The following ZNF385D variants were observed in gnomAD, a reference collection of about 807,000 sequenced individuals.
The protein encoded by ZNF385D is zinc finger protein 659.
In ZNF385D, 15 loss-of-function variants were observed where a neutral mutation model predicts 35.8. That is an observed-to-expected ratio of 0.42 (90% CI 0.28 to 0.64). The LOEUF is 0.64. ZNF385D is among the 30% of genes least tolerant of loss of function. ZNF385D has a pLI of 0.23. For synonymous variants in ZNF385D, 212 were observed against 186.8 expected (o/e 1.13, Z -1.10); for missense variants, 474 against 494.6 (o/e 0.96, Z 0.39).
chr3:22,090,728 G>A (rs1005137328), intron 3 of ZNF385D, among the ~76,000 whole-genome samples: 7 of 152,152 alleles, frequency 4.6e-5, no homozygotes, highest in Non-Finnish European at 8.8e-5. Flanking sequence ...ATACTTGGAA[G>A]GGGGACATAC....
intron 3 of ZNF385D, among the ~76,000 whole-genome samples, chr3:21,839,878 A>T (rs1695557676): frequency 6.6e-6 from 1 of 151,954 alleles, no homozygotes; most frequent in Admixed American, 6.6e-5. Flanking sequence ...GGGGTCAGAA[A>T]TTGCCTCCCA....
chr3:21,720,823 G>C (rs1036657456), intron 1 of ZNF385D, among the ~76,000 whole-genome samples: 1 of 152,140 alleles, frequency 6.6e-6, no homozygotes, highest in Non-Finnish European at 1.5e-5. Flanking sequence ...TTCTATTGTA[G>C]GGTAGTAGTG....
At chr3:21,547,771 C>T (rs562593729) in intron 3 of ZNF385D, among the ~76,000 whole-genome samples, 9 of 152,160 alleles carry the variant, frequency 5.9e-5, no homozygotes, top group Non-Finnish European at 1.5e-5. Context: ...CACCCGCCAC[C>T]ATGCCCGGCT....
chr3:22,114,446 T>C (rs1186967005), intron 3 of ZNF385D, among the ~76,000 whole-genome samples: 2 of 152,092 alleles, frequency 1.3e-5, no homozygotes, highest in South Asian at 2.1e-4. Context: ...TTACATTGTG[T>C]TTTCCCAGAA....
chr3:22,369,099 A>C (rs1170272784), intron 2 of ZNF385D, among the ~76,000 whole-genome samples: 1 of 152,156 alleles, frequency 6.6e-6, no homozygotes, highest in Non-Finnish European at 1.5e-5. Context: ...AAAACTAAGA[A>C]GTACCATCTA....
intron 1 of ZNF385D, among the ~76,000 whole-genome samples, chr3:21,720,318 C>G (rs1247543439): frequency 6.6e-6 from 1 of 152,170 alleles, no homozygotes; most frequent in Non-Finnish European, 1.5e-5. Flanking sequence ...CTTTGGGAGG[C>G]TGAGGCAGGA....
chr3:21,622,196 A>G (rs1195841772), intron 2 of ZNF385D, among the ~76,000 whole-genome samples: 2 of 152,138 alleles, frequency 1.3e-5, no homozygotes, highest in Admixed American at 1.3e-4. Context: ...TAATAGGAAA[A>G]AAGTGATTAA....
intron 3 of ZNF385D, among the ~76,000 whole-genome samples, chr3:21,995,138 C>T (rs752826152): frequency 2.0e-5 from 3 of 152,218 alleles, no homozygotes; most frequent in Non-Finnish European, 4.4e-5. Flanking sequence ...ATAAGCCAAC[C>T]TTCAGGCCCC....
chr3:21,798,123 G>C (rs1439879986), intron 3 of ZNF385D, among the ~76,000 whole-genome samples: 1 of 152,186 alleles, frequency 6.6e-6, no homozygotes, highest in Non-Finnish European at 1.5e-5. Flanking sequence ...CTATGCGTTA[G>C]TTGGGGTATA....
intron 2 of ZNF385D, among the ~76,000 whole-genome samples, chr3:21,621,874 T>TGG (rs2065017474): frequency 1.3e-5 from 2 of 151,698 alleles, no homozygotes; most frequent in South Asian, 4.2e-4. Flanking sequence ...ACTGTGTGTG[T>TGG]GTGTGTGTGT....
chr3:22,064,183 T>C (rs1312041908), intron 3 of ZNF385D, among the ~76,000 whole-genome samples: 6 of 152,202 alleles, frequency 3.9e-5, no homozygotes, highest in Admixed American at 3.3e-4. Context: ...TCTTTCATGG[T>C]GATTAGCTCA....
intron 3 of ZNF385D, among the ~76,000 whole-genome samples, chr3:21,827,702 G>A (rs902776202): frequency 2.6e-5 from 4 of 152,160 alleles, no homozygotes; most frequent in African/African-American, 9.7e-5. Context: ...TTGGAACGTG[G>A]AAGGAAAAGG....
chr3:21,857,573 G>A (rs924861162), intron 3 of ZNF385D, among the ~76,000 whole-genome samples: 3 of 151,896 alleles, frequency 2.0e-5, no homozygotes, highest in East Asian at 3.9e-4. Flanking sequence ...GAAGTCGTGG[G>A]ACTAAAGAAG....
intron 2 of ZNF385D, among the ~76,000 whole-genome samples, chr3:21,615,750 A>G (rs905756635): frequency 6.6e-6 from 1 of 150,606 alleles, no homozygotes; most frequent in African/African-American, 2.5e-5. Context: ...GGCCTCCCCT[A>G]TCTAATTTCT....
chr3:22,014,014 A>G (rs1042249687), intron 3 of ZNF385D, among the ~76,000 whole-genome samples: 6 of 152,216 alleles, frequency 3.9e-5, no homozygotes, highest in Non-Finnish European at 7.3e-5. Context: ...CAGATTGCAA[A>G]AACAAGAAGC....
At chr3:21,448,948 C>T (rs976438938) in intron 4 of ZNF385D, among the ~76,000 whole-genome samples, 10 of 151,944 alleles carry the variant, frequency 6.6e-5, no homozygotes, top group Admixed American at 1.3e-4. Context: ...TTCATCAAAG[C>T]GCTAATTTAA....
intron 3 of ZNF385D, among the ~76,000 whole-genome samples, chr3:22,075,270 C>A (rs534094044): frequency 6.6e-6 from 1 of 151,994 alleles, no homozygotes; most frequent in East Asian, 1.9e-4. Flanking sequence ...ACTCTAATCA[C>A]TTAACTTAAA....
intron 3 of ZNF385D, among the ~76,000 whole-genome samples, chr3:22,109,435 G>A (rs539903224): frequency 6.6e-6 from 1 of 152,170 alleles, no homozygotes; most frequent in Non-Finnish European, 1.5e-5. Flanking sequence ...TAAAGCTTGA[G>A]CTATCTGAGG....
At chr3:21,469,883 A>G (rs1324819382) in intron 4 of ZNF385D, among the ~76,000 whole-genome samples, 4 of 152,176 alleles carry the variant, frequency 2.6e-5, no homozygotes, top group Admixed American at 1.3e-4. Flanking sequence ...TGGAGATCCA[A>G]AGCAATCCTT....
Sources: allele counts gnomAD v4.1 joint callset (sites outside exome capture counted in the v4.1 genomes callset), GRCh38; gene constraint gnomAD v4.1.1; transcripts MANE v1.5; gene names NCBI Gene and HGNC (gene_info 2026-07-23, HGNC 2026-07-21).